The following PCDHGA10 variants were observed in gnomAD, a reference collection of about 807,000 sequenced individuals.
PCDHGA10 encodes protocadherin gamma subfamily A, 10.
In PCDHGA10, 42 loss-of-function variants were observed where a neutral mutation model predicts 59.5. The observed-to-expected ratio is 0.71, with a 90% CI of 0.55 to 0.91. The LOEUF (loss-of-function observed/expected upper bound fraction) is 0.91. Ranked by LOEUF, PCDHGA10 falls within the 40% of genes least tolerant of loss-of-function variation. PCDHGA10 has a pLI of 0.00. For synonymous variants in PCDHGA10, 511 were observed against 517.2 expected (o/e 0.99, Z 0.16); for missense variants, 1,111 against 1,198.2 (o/e 0.93, Z 1.07).
chr5:141,509,024 C>T (rs2099873840), intron 3 of PCDHGA10, among the ~76,000 whole-genome samples: 1 of 152,108 alleles, frequency 6.6e-6, no homozygotes, highest in African/African-American at 2.4e-5. Flanking sequence ...GCTGCTCCCT[C>T]CCACTCAACC....
rs994726301 is a variant in PCDHGA10, at chr5:141,476,632, T to C, written c.2437-18175T>C. ...TGGGAAGCAACTCTTTACAAACCTA[T>C]GAGCTGAGCCGAAATGAATACTTTG... On this transcript the variant is annotated intron_variant, in intron 1 of 3. Transcript: ENST00000398610. The surrounding 1 kb of genome is among the most constrained non-coding windows in gnomAD (Gnocchi z 7.6). The C allele has an allele frequency of 8.7e-6, 14 of 1,614,098 alleles. No homozygotes were observed. Among genetic ancestry groups the C allele is most frequent in the Admixed American group, 1.7e-5 (1 of 60,016 alleles).
Position 141,431,559 on chromosome 5 carries a change from C to T in PCDHGA10, c.2436+15948C>T. 6.2e-7 allele frequency: 1 copy of T among 1,614,158 alleles called. No individual in the cohort carries two copies. On this transcript the variant is annotated intron_variant, in intron 1 of 3. Transcript: ENST00000398610. The surrounding 1 kb of genome is among the most constrained non-coding windows in gnomAD (Gnocchi z 4.8). ...ACGCAGCTGCTTGTAGTCAACGCTA[C>T]CGACCCTGACGAAGGAGTCAATGCG...
chr5:141,489,124 A>C lies in PCDHGA10; in HGVS notation c.2437-5683A>C. The C allele has an allele frequency of 3.6e-6, 2 of 556,652 alleles. No individual in the cohort carries two copies. Among genetic ancestry groups the C allele is most frequent in the South Asian group, 3.3e-5 (1 of 30,014 alleles). The allele number at this position is 556,652 out of a possible 1,614,324, so 34.5% of individuals were successfully genotyped here. On this transcript the variant is annotated intron_variant, in intron 1 of 3. Transcript: ENST00000398610. The surrounding 1 kb of genome is among the most constrained non-coding windows in gnomAD (Gnocchi z 4.5). ...GCTGCAAGCAGGCAAACCTCCGAGC[A>C]GTTTTTAAGAGGCTGGAAGGAGACA...
rs1561857042 is a variant in PCDHGA10, at chr5:141,432,038, C to CG, written c.2436+16431dup. 3 of 1,614,190 alleles carry CG rather than the reference C, an allele frequency of 1.9e-6. No individual in the cohort carries two copies. The highest frequency in any genetic ancestry group is 2.5e-6 in the Non-Finnish European group (3 of 1,180,032). Reference sequence around the variant, plus strand: ...CAACATCACAGTGACCGCCACTGACCGGGGAACCCCGCCCCTATCCACGGA... The same window carrying CG: ...CAACATCACAGTGACCGCCACTGACCGGGGGAACCCCGCCCCTATCCACGGA... On this transcript the variant is annotated intron_variant, in intron 1 of 3. Transcript: ENST00000398610. The surrounding 1 kb of genome is among the most constrained non-coding windows in gnomAD (Gnocchi z 6.0).
At chr5:141,422,725 G>C (rs1424048338) in intron 1 of PCDHGA10, 1 of 1,606,156 alleles carries the variant, frequency 6.2e-7, no homozygotes, top group African/African-American at 1.3e-5. Flanking sequence ...TGTCCAGGGG[G>C]TGCCTCTGTC....
chr5:141,462,209 C>T (rs1158675305), intron 1 of PCDHGA10, among the ~76,000 whole-genome samples: 6 of 152,172 alleles, frequency 3.9e-5, no homozygotes, highest in Non-Finnish European at 8.8e-5. Flanking sequence ...ATCCGCCTGC[C>T]TCGGCCTCCC....
Position 141,491,300 on chromosome 5 carries a change from G to T in PCDHGA10, c.2437-3507G>T. On this transcript the variant is annotated intron_variant, in intron 1 of 3. Coordinates refer to ENST00000398610, the MANE Select transcript of PCDHGA10 (RefSeq NM_018913.3). The surrounding 1 kb of genome is among the most constrained non-coding windows in gnomAD (Gnocchi z 6.9). Reference sequence around the variant, plus strand: ...GACTTCCTCATACACCCTCCTGAGCGTTCAGACCTTACCCTTTACCTCATT... The same window carrying T: ...GACTTCCTCATACACCCTCCTGAGCTTTCAGACCTTACCCTTTACCTCATT... The T allele has an allele frequency of 6.2e-7, 1 of 1,614,136 alleles. No homozygotes were observed. The highest frequency in any genetic ancestry group is 8.5e-7 in the Non-Finnish European group (1 of 1,179,962).
chr5:141,447,854 G>A (rs1480134238), intron 1 of PCDHGA10, among the ~76,000 whole-genome samples: 1 of 152,200 alleles, frequency 6.6e-6, no homozygotes, highest in Non-Finnish European at 1.5e-5. Flanking sequence ...GGGAGGCCGA[G>A]GTGGGTGAAT....
At chr5:141,461,251 A>G (rs925406409) in intron 1 of PCDHGA10, among the ~76,000 whole-genome samples, 1 of 152,156 alleles carries the variant, frequency 6.6e-6, no homozygotes, top group Non-Finnish European at 1.5e-5. Flanking sequence ...TTATATTCCC[A>G]GCAGCAATGT....
intron 1 of PCDHGA10, chr5:141,484,969 G>A: frequency 3.4e-6 from 2 of 584,588 alleles, no homozygotes; most frequent in Admixed American, 3.2e-5. Flanking sequence ...CCCGGGAGCC[G>A]CTGTCTGCCA....
intron 1 of PCDHGA10, among the ~76,000 whole-genome samples, chr5:141,452,868 C>T (rs1339532803): frequency 6.6e-6 from 1 of 152,170 alleles, no homozygotes; most frequent in Non-Finnish European, 1.5e-5. Flanking sequence ...TTTTCTAACT[C>T]CATTTGTAAT....
chr5:141,418,599 A>C, intron 1 of PCDHGA10: 2 of 1,614,054 alleles, frequency 1.2e-6, no homozygotes. Context: ...CAGGACGTGT[A>C]CAGGGTTAGC....
At chr5:141,507,016 G>C (rs913170594) in intron 3 of PCDHGA10, 1 of 152,166 alleles carries the variant, frequency 6.6e-6, no homozygotes, top group African/African-American at 2.4e-5. Context: ...AACCGAGAAG[G>C]CACTTGCCCC....
intron 1 of PCDHGA10, among the ~76,000 whole-genome samples, chr5:141,434,495 G>A (rs1414485396): frequency 6.6e-6 from 1 of 152,220 alleles, no homozygotes; most frequent in Non-Finnish European, 1.5e-5. Flanking sequence ...GGCCCGCCCA[G>A]GGCAGAAAAC....
rs1421670958 is a variant in PCDHGA10, at chr5:141,432,558, A to C, written c.2436+16947A>C. ...GTGGCGGTGGACAGAGACTCCGGCC[A>C]GAACGCCTGGCTGTCCTACCGTCTG... On this transcript the variant is annotated intron_variant, in intron 1 of 3. Transcript: ENST00000398610. This position sits in a 1 kb window ranked among gnomAD's most constrained non-coding sequence, Gnocchi z 6.0. The C allele has an allele frequency of 1.9e-6, 3 of 1,613,756 alleles. No individual in the cohort carries two copies. The highest frequency in any genetic ancestry group is 2.2e-5 in the South Asian group (2 of 91,060).
intron 1 of PCDHGA10, chr5:141,422,092 G>T: frequency 6.2e-7 from 1 of 1,611,520 alleles, no homozygotes; most frequent in Non-Finnish European, 8.5e-7. Context: ...GGAAAGCAAG[G>T]CTTCTGAAAT....
chr5:141,497,740 C>G (rs954595046), intron 2 of PCDHGA10, among the ~76,000 whole-genome samples: 9 of 152,054 alleles, frequency 5.9e-5, no homozygotes, highest in African/African-American at 2.2e-4. Context: ...GGTTTCGCCA[C>G]GTTGGCCAGG....
chr5:141,465,125 G>A (rs1003967387), intron 1 of PCDHGA10, among the ~76,000 whole-genome samples: 1 of 151,194 alleles, frequency 6.6e-6, no homozygotes, highest in Non-Finnish European at 1.5e-5. Context: ...GCCTAAATTT[G>A]TAAAAAGTTT....
chr5:141,494,607 C>T (rs2099755630), intron 1 of PCDHGA10, among the ~76,000 whole-genome samples, 200 bp from the exon 2 acceptor site: 2 of 152,092 alleles, frequency 1.3e-5, no homozygotes, highest in South Asian at 2.1e-4. Flanking sequence ...TGTGATTTAT[C>T]TCTTGGTTTC....
Sources: gnomAD v4.1 joint callset for allele counts (sites outside exome capture counted in the v4.1 genomes callset) on GRCh38, gnomAD v4.1.1 for gene constraint, Gnocchi (gnomAD v3.1) non-coding constraint, MANE v1.5 for transcripts, NCBI Gene and HGNC (gene_info 2026-07-23, HGNC 2026-07-21) for gene names.